The following TIAM1 variants were observed in gnomAD, a reference collection of about 807,000 sequenced individuals.
The protein encoded by TIAM1 is TIAM Rac1 associated GEF 1.
A neutral mutation model predicts 163.5 loss-of-function variants in TIAM1; 65 were observed. That is an observed-to-expected ratio of 0.40 (90% CI 0.33 to 0.49). The LOEUF (loss-of-function observed/expected upper bound fraction) is 0.49, where lower values mean the gene tolerates loss of function less well. Ranked by LOEUF, TIAM1 falls within the 20% of genes least tolerant of loss-of-function variation. TIAM1 has a pLI of 0.77. For missense variants in TIAM1, 1,789 were observed against 2,044.7 expected, an observed-to-expected ratio of 0.87 and a Z score of 2.41; for synonymous variants, 833 against 810.1, an observed-to-expected ratio of 1.03 and a Z score of -0.48.
rs1049030974 is a variant in TIAM1 at position 31,410,409 on chromosome 21, A to C, written c.-369+53574T>G. On this transcript the variant is annotated intron_variant, in intron 2 of 28. Coordinates refer to the TIAM1 transcript ENST00000286827. ...GTGACGGTACGTAAATGAGACAGTG[A>C]GAGTATGTGAGTGCGTAAGTGTATG... Among the ~76,000 whole-genome samples the C allele has an allele frequency of 2.0e-5, 3 of 151,562 alleles. No individual in the cohort carries two copies. In the South Asian group the frequency reaches 6.3e-4, roughly 32 times the overall value.
intron 23 of TIAM1, among the ~76,000 whole-genome samples, chr21:31,131,377 G>C (rs913113017): frequency 1.3e-5 from 2 of 152,172 alleles, no homozygotes; most frequent in Non-Finnish European, 2.9e-5. Flanking sequence ...AGTGCACATA[G>C]ACAGTGATAA....
chr21:31,170,277 G>C (rs1568960786), intron 15 of TIAM1, among the ~76,000 whole-genome samples: 1 of 152,188 alleles, frequency 6.6e-6, no homozygotes, highest in African/African-American at 2.4e-5. Context: ...TCAGGATACA[G>C]AAGATGTAAA....
rs138755370 is a variant in TIAM1 at position 31,358,063 on chromosome 21, T to C, written c.-368-18641A>G. Among the ~76,000 whole-genome samples the C allele has an allele frequency of 1.3e-3, 202 of 152,304 alleles. 1 individual carries two copies. The highest frequency in any genetic ancestry group is 4.6e-3 in the African/African-American group (193 of 41,564). On this transcript the variant is annotated intron_variant, in intron 2 of 28. Transcript: ENST00000286827. ...TCCCGATCTTAACCCAAAGAAAGAC[T>C]TGCTGTCCAGCTACGGGGGCTGTGG...
At chr21:31,442,084 T>TATAGATAG (rs1569335159) in intron 2 of TIAM1, among the ~76,000 whole-genome samples, 2 of 122,708 alleles carry the variant, frequency 1.6e-5, no homozygotes, top group African/African-American at 6.2e-5. Flanking sequence ...TATATATATA[T>TATAGATAG]ATAGAACAAT....
intron 1 of TIAM1, among the ~76,000 whole-genome samples, chr21:31,479,653 A>G (rs1161967198): frequency 6.6e-6 from 1 of 152,164 alleles, no homozygotes; most frequent in East Asian, 1.9e-4. Context: ...AGGCCTCTTT[A>G]TTCACCTTGG....
chr21:31,314,769 G>A (rs2075047628), intron 2 of TIAM1, among the ~76,000 whole-genome samples: 1 of 152,176 alleles, frequency 6.6e-6, no homozygotes, highest in African/African-American at 2.4e-5. Flanking sequence ...GTAAAGGGTA[G>A]GGGTCACACA....
chr21:31,361,421 G>T (rs1265268681), intron 2 of TIAM1, among the ~76,000 whole-genome samples: 2 of 152,136 alleles, frequency 1.3e-5, no homozygotes, highest in Non-Finnish European at 2.9e-5. Context: ...AATTGTGATT[G>T]AGGATGGGAG....
chr21:31,254,238 G>A (rs1176304749), intron 4 of TIAM1, among the ~76,000 whole-genome samples: 2 of 152,236 alleles, frequency 1.3e-5, no homozygotes, highest in Non-Finnish European at 2.9e-5. Context: ...GAAGGGACTT[G>A]GCAAAGCTAT....
chr21:31,291,179 T>G (rs550521061), intron 2 of TIAM1, among the ~76,000 whole-genome samples: 1 of 152,300 alleles, frequency 6.6e-6, no homozygotes, highest in South Asian at 2.1e-4. Flanking sequence ...TTTCTCAGTG[T>G]GGGTGATTTC....
chr21:31,504,871 G>C (rs2046975130), intron 1 of TIAM1, among the ~76,000 whole-genome samples: 1 of 152,042 alleles, frequency 6.6e-6, no homozygotes, highest in Non-Finnish European at 1.5e-5. Flanking sequence ...CAGAAGCTAA[G>C]AACTTGACAG....
At chr21:31,520,331 C>CAA (rs776959924) in intron 1 of TIAM1, among the ~76,000 whole-genome samples, 6 of 76,062 alleles carry the variant, frequency 7.9e-5, no homozygotes, top group African/African-American at 1.5e-4. Flanking sequence ...AACTCTGTCT[C>CAA]AAAAAAAAAA....
At chr21:31,186,260 A>G (rs1272457007) in intron 14 of TIAM1, among the ~76,000 whole-genome samples, 1 of 152,198 alleles carries the variant, frequency 6.6e-6, no homozygotes, top group Non-Finnish European at 1.5e-5. Context: ...TAGGTTCTCA[A>G]CTTTCGCAGA....
intron 2 of TIAM1, among the ~76,000 whole-genome samples, chr21:31,291,769 C>T (rs543831325): frequency 1.4e-3 from 211 of 152,324 alleles, no homozygotes; most frequent in African/African-American, 4.6e-3. Flanking sequence ...GTGATCTGCC[C>T]GCCTTGGCCT....
At chr21:31,192,543 A>T (rs1476692477) in intron 13 of TIAM1, among the ~76,000 whole-genome samples, 1 of 152,100 alleles carries the variant, frequency 6.6e-6, no homozygotes, top group East Asian at 1.9e-4. Flanking sequence ...CCTGGGAGGC[A>T]GAGGTTGGAG....
chr21:31,381,085 C>T (rs1367995527), intron 2 of TIAM1, among the ~76,000 whole-genome samples: 1 of 151,900 alleles, frequency 6.6e-6, no homozygotes, highest in African/African-American at 2.4e-5. Flanking sequence ...TATACTAAAC[C>T]TTGCTAGAAG....
chr21:31,261,968 C>T (rs1244424079), intron 4 of TIAM1, among the ~76,000 whole-genome samples: 1 of 152,158 alleles, frequency 6.6e-6, no homozygotes, highest in African/African-American at 2.4e-5. Context: ...GCTCTCCTCA[C>T]AAGCATGCAC....
intron 9 of TIAM1, among the ~76,000 whole-genome samples, chr21:31,215,977 A>G (rs374864287): frequency 1.1e-3 from 165 of 152,314 alleles, no homozygotes; most frequent in African/African-American, 3.7e-3. Flanking sequence ...CCTGGCCAAC[A>G]TGGTGAAACC....
At chr21:31,396,173 T>C (rs901304011) in intron 2 of TIAM1, among the ~76,000 whole-genome samples, 1 of 152,162 alleles carries the variant, frequency 6.6e-6, no homozygotes, top group Admixed American at 6.5e-5. Context: ...TTAAGAGGAG[T>C]AGAGGGGCTT....
intron 8 of TIAM1, among the ~76,000 whole-genome samples, chr21:31,222,910 G>T (rs1161520006): frequency 1.3e-5 from 2 of 150,870 alleles, no homozygotes; most frequent in African/African-American, 4.9e-5. Flanking sequence ...TAGAGACAGG[G>T]TTTCACCATG....
Sources: allele counts gnomAD v4.1 joint callset (sites outside exome capture counted in the v4.1 genomes callset), GRCh38; gene constraint gnomAD v4.1.1; transcripts MANE v1.5; gene names NCBI Gene and HGNC (gene_info 2026-07-23, HGNC 2026-07-21).